EGF: variants seen among roughly 807,000 people sequenced by gnomAD.
EGF encodes the protein epidermal growth factor.
Under a neutral mutation model 143.8 loss-of-function variants are expected in EGF, and 95 were observed. That is an observed-to-expected ratio of 0.66 (90% CI 0.56 to 0.78). EGF has a LOEUF of 0.78. Ranked by LOEUF, EGF falls within the 30% of genes least tolerant of loss-of-function variation. The probability of loss-of-function intolerance (pLI) is 0.00; values close to 1 mark genes in which losing one functional copy is unlikely to be tolerated. For synonymous variants in EGF, 510 were observed against 510.5 expected, an observed-to-expected ratio of 1.00 and a Z score of 0.01; for missense variants, 1,320 against 1,470.9, an observed-to-expected ratio of 0.90 and a Z score of 1.68.
intron 11 of EGF, 36 bp downstream of exon 11, chr4:109,969,155 T>C (rs769125367): frequency 1.2e-6 from 2 of 1,613,096 alleles, no homozygotes; most frequent in Admixed American, 1.7e-5. Context: ...CTGTGTGAGA[T>C]GGGAGTGATG....
intron 1 of EGF, among the ~76,000 whole-genome samples, chr4:109,930,930 T>G (rs145306312): frequency 6.6e-6 from 1 of 152,306 alleles, no homozygotes; most frequent in Non-Finnish European, 1.5e-5. Flanking sequence ...AAGTCAGAGG[T>G]TCTAATTGAT....
At position 109,913,208 on chromosome 4, in the gene EGF, A is replaced by G; in HGVS notation, c.-128A>G. The G allele has an allele frequency of 1.7e-6, 2 of 1,180,116 alleles. No homozygotes were observed. Among genetic ancestry groups the G allele is most frequent in the Non-Finnish European group, 2.5e-6 (2 of 803,232 alleles). 73.1% of individuals were successfully genotyped at this position (1,180,116 alleles called of 1,614,324 possible). ...AGGACAACAGCACAACAGGAGAGTA[A>G]AAGATGCCCCAGGGCTGAGGCCTCC... On this transcript the variant is annotated 5_prime_UTR_variant, in exon 1 of 24. Transcript: ENST00000265171.
chr4:109,989,888 G>T (rs1240061853), intron 18 of EGF, among the ~76,000 whole-genome samples: 2 of 152,024 alleles, frequency 1.3e-5, no homozygotes, highest in African/African-American at 2.4e-5. Flanking sequence ...AAAGCAGTGG[G>T]CTTGCTCCTC....
chr4:109,953,869 G>A (rs77103155), intron 5 of EGF, among the ~76,000 whole-genome samples: 2,207 of 152,176 alleles, frequency 0.015, 45 homozygotes, highest in African/African-American at 0.049. Context: ...GGTAGTGGAG[G>A]CATATACACC....
Position 109,980,945 on chromosome 4 carries a change from C to T in EGF, c.2341C>T (p.Leu781=), listed in dbSNP as rs778066637. The change falls in exon 15 of 24, where the codon CTG becomes TTG. Residue 781 remains leucine, a synonymous_variant. Transcript: ENST00000265171. ...FMKASDGKTC[L]ALDGHQLLAG... ...GAAAGCCTCAGATGGGAAAACGTGT[C>T]TGGCTCTGGATGGTCATCAGCTGTT... The T allele has an allele frequency of 3.1e-6, 5 of 1,614,092 alleles. No individual in the cohort carries two copies. Among genetic ancestry groups the T allele is most frequent in the Non-Finnish European group, 4.2e-6 (5 of 1,179,978 alleles).
intron 1 of EGF, among the ~76,000 whole-genome samples, chr4:109,932,377 A>AT (rs1553929849): frequency 1.1e-4 from 14 of 123,936 alleles, no homozygotes; most frequent in South Asian, 2.6e-4. Flanking sequence ...ATATATATAT[A>AT]AATTTTTTTT....
chr4:110,006,111 C>G (rs1233333031), intron 22 of EGF, among the ~76,000 whole-genome samples: 1 of 151,974 alleles, frequency 6.6e-6, no homozygotes, highest in African/African-American at 2.4e-5. Flanking sequence ...GAGGCCAAGG[C>G]AGGATTGCTT....
intron 1 of EGF, among the ~76,000 whole-genome samples, chr4:109,938,693 G>A (rs553136114): frequency 6.6e-6 from 1 of 152,296 alleles, no homozygotes; most frequent in Non-Finnish European, 1.5e-5. Flanking sequence ...CCTACGGATG[G>A]GGTTTTGATG....
chr4:109,975,983 T>C (rs1382024155), intron 12 of EGF, 29 bp from the exon 13 acceptor site: 3 of 1,583,708 alleles, frequency 1.9e-6, no homozygotes, highest in African/African-American at 2.7e-5. Context: ...CATGCAGATA[T>C]TATTTGTTGT....
At position 109,945,184 on chromosome 4, in the gene EGF, T is replaced by C; in HGVS notation, c.849T>C (p.Ile283=). Residue 283 remains isoleucine (I), a synonymous_variant, in exon 5 of 24, where the codon ATT becomes ATC. Coordinates refer to ENST00000265171, the MANE Select transcript of EGF (RefSeq NM_001963.6). ...NKHTGKDMVR[I]NLHSSFVPLG... ...ACACTGGAAAGGACATGGTTAGAATTAACCTCCATTCATCATTTGTACCAC... is the reference window on the plus strand; with the variant it reads ...ACACTGGAAAGGACATGGTTAGAATCAACCTCCATTCATCATTTGTACCAC... 1.2e-6 allele frequency: 2 copies of C among 1,614,110 alleles called. No homozygotes were observed. The highest frequency in any genetic ancestry group is 1.7e-6 in the Non-Finnish European group (2 of 1,180,002).
chr4:109,913,498 G>T (rs529988835), intron 1 of EGF, 36 bp downstream of exon 1: 1 of 1,607,872 alleles, frequency 6.2e-7, no homozygotes, highest in South Asian at 1.1e-5. Flanking sequence ...CCAGGTCTCC[G>T]GGAAACTGCC....
intron 5 of EGF, among the ~76,000 whole-genome samples, chr4:109,953,494 G>A (rs998885614): frequency 2.6e-5 from 4 of 152,152 alleles, no homozygotes; most frequent in Non-Finnish European, 4.4e-5. Context: ...TTCAGTGTTC[G>A]ATCCTATTTC....
At chr4:109,931,936 C>G (rs1739774967) in intron 1 of EGF, among the ~76,000 whole-genome samples, 1 of 152,110 alleles carries the variant, frequency 6.6e-6, no homozygotes, top group African/African-American at 2.4e-5. Context: ...TATAACTACT[C>G]TATTTTTTTG....
At chr4:110,009,330 T>G (rs1308387096) in intron 23 of EGF, among the ~76,000 whole-genome samples, 3 of 152,244 alleles carry the variant, frequency 2.0e-5, no homozygotes, top group Non-Finnish European at 4.4e-5. Context: ...GCTTCAGTGC[T>G]TATTGTTATT....
intron 1 of EGF, among the ~76,000 whole-genome samples, chr4:109,936,173 T>A (rs989954931): frequency 1.3e-5 from 2 of 152,204 alleles, no homozygotes; most frequent in African/African-American, 2.4e-5. Context: ...ATCCGTCTGG[T>A]CCTGGAATTT....
At chr4:109,952,004 C>G (rs1744015583) in intron 5 of EGF, among the ~76,000 whole-genome samples, 1 of 151,880 alleles carries the variant, frequency 6.6e-6, no homozygotes, top group African/African-American at 2.4e-5. Flanking sequence ...TTCTCTTTCT[C>G]TCTTACTTCT....
rs780451968 is a variant in EGF at position 110,011,234 on chromosome 4, C to A, written c.3403C>A (p.Pro1135Thr). The A allele has an allele frequency of 6.2e-7, 1 of 1,610,028 alleles. No homozygotes were observed. Among genetic ancestry groups the A allele is most frequent in the Non-Finnish European group, 8.5e-7 (1 of 1,179,952 alleles). ...SMQPTSWRQE[P>T]QLCGMGTEQG... ...GCAACCAACTTCATGGAGGCAGGAGCCCCAGTTATGTGGAATGGGCACAGA... is the reference window on the plus strand; with the variant it reads ...GCAACCAACTTCATGGAGGCAGGAGACCCAGTTATGTGGAATGGGCACAGA... Residue 1135 changes from proline (P) to threonine (T), a missense_variant, in exon 24 of 24, where the codon CCC becomes ACC. This residue lies in a region of EGF where 1,186 missense variants were observed against 1,313.7 expected (regional missense o/e 0.90). Coordinates refer to ENST00000265171, the MANE Select transcript of EGF (RefSeq NM_001963.6).
intron 21 of EGF, chr4:110,001,895 A>G (rs566791654): frequency 2.0e-6 from 2 of 985,416 alleles, no homozygotes; most frequent in Admixed American, 1.2e-4. Context: ...ATCTATGGTT[A>G]TTTACCTAAC....
Position 110,012,467 on chromosome 4 carries a change from G to T in EGF, c.*1012G>T, listed in dbSNP as rs564656925. Among the ~76,000 whole-genome samples the T allele has an allele frequency of 6.6e-6, 1 of 151,874 alleles. No individual in the cohort carries two copies. Among genetic ancestry groups the T allele is most frequent in the East Asian group, 1.9e-4 (1 of 5,172 alleles). ...TAGCTCAGTGCAGCCTCAAACTCCTGGGCTCAAGCAATCCTCCTGCCTCAG... is the reference window on the plus strand; with the variant it reads ...TAGCTCAGTGCAGCCTCAAACTCCTTGGCTCAAGCAATCCTCCTGCCTCAG... On this transcript the variant is annotated 3_prime_UTR_variant, in exon 24 of 24. Transcript: ENST00000265171.
Sources: gnomAD v4.1 joint callset for allele counts (sites outside exome capture counted in the v4.1 genomes callset) on GRCh38, gnomAD v4.1.1 for gene constraint, gnomAD v4.1.1 regional missense constraint, MANE v1.5 for transcripts, NCBI Gene and HGNC (gene_info 2026-07-23, HGNC 2026-07-21) for gene names.